ZNF805: variants seen among roughly 807,000 people sequenced by gnomAD.
ZNF805 encodes zinc finger protein 805, also known as CTC-444N24.8.
A neutral mutation model predicts 13.6 loss-of-function variants in ZNF805; 7 were observed. That is an observed-to-expected ratio of 0.51 (90% CI 0.29 to 0.97). The LOEUF (loss-of-function observed/expected upper bound fraction) is 0.97. Ranked by LOEUF, ZNF805 falls within the 50% of genes least tolerant of loss-of-function variation. ZNF805 has a pLI of 0.08. For missense variants in ZNF805, 604 were observed against 771.0 expected, an observed-to-expected ratio of 0.78 and a Z score of 2.57; for synonymous variants, 293 against 279.8, an observed-to-expected ratio of 1.05 and a Z score of -0.47.
Position 57,259,989 on chromosome 19 carries a change from T to TA in ZNF805, c.*5289dup, listed in dbSNP as rs1307948599. 6.6e-6 allele frequency among the ~76,000 whole-genome samples: 1 copy of TA among 152,244 alleles called. No individual in the cohort carries two copies. Among genetic ancestry groups the TA allele is most frequent in the African/African-American group, 2.4e-5 (1 of 41,470 alleles). ...CTGTAATCTTTTATATTGGGCTTCT[T>TA]AAATATTTCTGTCAACAGATCTTAT... On this transcript the variant is annotated 3_prime_UTR_variant, in exon 4 of 4. Transcript: ENST00000414468.
chr19:57,240,751 G>C lies in ZNF805; in HGVS notation c.-141G>C. 1.3e-6 allele frequency: 1 copy of C among 744,168 alleles called. No homozygotes were observed. The highest frequency in any genetic ancestry group is 2.1e-6 in the Non-Finnish European group (1 of 474,628). The allele number at this position is 744,168 out of a possible 1,614,324, so 46.1% of individuals were successfully genotyped here. A position where few individuals can be genotyped will look rare whatever the true frequency, so the allele number is the denominator to read the frequency against. The stretch of plus-strand genomic sequence containing the variant: ...ACCTCCGCGTCTCGGAGCGAACCGT[G>C]AGCCTCCCCGTAACGAGAGAGTTTG... On this transcript the variant is annotated 5_prime_UTR_variant, in exon 1 of 4. Transcript: ENST00000414468.
intron 1 of ZNF805, among the ~76,000 whole-genome samples, chr19:57,242,058 G>T (rs977512764): frequency 6.6e-6 from 1 of 152,164 alleles, no homozygotes; most frequent in Admixed American, 6.6e-5. Context: ...TGAGAAATGG[G>T]CATTATTTAT....
At chr19:57,250,204 C>T (rs1173812935) in intron 3 of ZNF805, among the ~76,000 whole-genome samples, 1 of 152,118 alleles carries the variant, frequency 6.6e-6, no homozygotes, top group African/African-American at 2.4e-5. Flanking sequence ...TGAATTCATC[C>T]CTCTATCACC....
intron 2 of ZNF805, 68 bp downstream of exon 2, chr19:57,244,117 C>A: frequency 6.4e-7 from 1 of 1,559,042 alleles, no homozygotes; most frequent in South Asian, 1.2e-5. Context: ...TGACTCCAGG[C>A]CTGATGGGTC....
At chr19:57,246,008 G>C (rs934578085) in intron 2 of ZNF805, among the ~76,000 whole-genome samples, 3 of 152,184 alleles carry the variant, frequency 2.0e-5, no homozygotes, top group African/African-American at 7.2e-5. Flanking sequence ...TGAGGAAGTT[G>C]TTCTTTTATT....
chr19:57,245,745 C>G (rs900777873), intron 2 of ZNF805, among the ~76,000 whole-genome samples: 4 of 151,572 alleles, frequency 2.6e-5, no homozygotes, highest in Non-Finnish European at 2.9e-5. Flanking sequence ...CACCACTGCA[C>G]TCCAGCCTGG....
At position 57,260,023 on chromosome 19, in the gene ZNF805, G is replaced by A. The variant is rs1011346111; in HGVS notation, c.*5320G>A. Among the ~76,000 whole-genome samples the A allele has an allele frequency of 2.0e-5, 3 of 152,302 alleles. No individual in the cohort carries two copies. The highest frequency in any genetic ancestry group is 4.8e-5 in the African/African-American group (2 of 41,554). On this transcript the variant is annotated 3_prime_UTR_variant, in exon 4 of 4. Transcript: ENST00000414468. Reference sequence around the variant, plus strand: ...CTGTCAACAGATCTTATATCAGGGTGATCTGCATATCATTCAGAGTTACGT... The same window carrying A: ...CTGTCAACAGATCTTATATCAGGGTAATCTGCATATCATTCAGAGTTACGT...
chr19:57,241,675 G>C lies in ZNF805; in HGVS notation c.30+754G>C, dbSNP rs142876190. On this transcript the variant is annotated intron_variant, in intron 1 of 3. Transcript: ENST00000414468. ...ACTATGGCTGACCACCTCTGTCCTT[G>C]TTTCCTTCCTTTCCTCCCTGGCTCA... Among the ~76,000 whole-genome samples the C allele has an allele frequency of 9.3e-3, 870 of 93,890 alleles. 6 individuals carry two copies. Among genetic ancestry groups the C allele is most frequent in the African/African-American group, 0.029 (839 of 29,170 alleles). 61.6% of individuals were successfully genotyped at this position (93,890 alleles called of 152,430 possible).
At chr19:57,245,654 C>T (rs1162805727) in intron 2 of ZNF805, among the ~76,000 whole-genome samples, 3 of 150,922 alleles carry the variant, frequency 2.0e-5, no homozygotes, top group South Asian at 2.1e-4. Context: ...TGGCGGGTGC[C>T]TGTAGTCCCA....
intron 1 of ZNF805, among the ~76,000 whole-genome samples, chr19:57,242,413 C>T (rs566390788): frequency 4.8e-4 from 73 of 152,360 alleles, no homozygotes; most frequent in African/African-American, 1.6e-3. Flanking sequence ...TTCCCCCCAT[C>T]CCCACCTGCT....
Position 57,261,431 on chromosome 19 carries a change from TACTC to T in ZNF805, c.*6730_*6733del, listed in dbSNP as rs2087723434. On this transcript the variant is annotated 3_prime_UTR_variant, in exon 4 of 4. Transcript: ENST00000414468. ...TGTATCCCCCTAATTTCTGTCATGT[TACTC>T]AAACCAGACACATTGTGGCCATTTC... 6.0e-6 allele frequency: 1 copy of T among 167,086 alleles called. No individual in the cohort carries two copies. The highest frequency in any genetic ancestry group is 1.5e-5 in the Non-Finnish European group (1 of 68,112). The allele number at this position is 167,086 out of a possible 1,614,324, so 10.4% of individuals were successfully genotyped here.
intron 3 of ZNF805, among the ~76,000 whole-genome samples, chr19:57,249,321 A>G (rs540996698): frequency 6.6e-5 from 10 of 152,336 alleles, no homozygotes; most frequent in South Asian, 4.1e-4. Context: ...CTGCCTGTCC[A>G]AGGAGAAGAG....
rs930524529 is a variant in ZNF805 at position 57,254,822 on chromosome 19, C to T, written c.*119C>T. The T allele has an allele frequency of 1.2e-5, 13 of 1,061,202 alleles. No individual in the cohort carries two copies. Among genetic ancestry groups the T allele is most frequent in the Admixed American group, 5.8e-5 (2 of 34,534 alleles). 65.7% of individuals were successfully genotyped at this position (1,061,202 alleles called of 1,614,324 possible). ...CTGGAAAAACACCCAGTGGTTATTA[C>T]GCACTTGGGAAAACCTTTAGCTCCA... On this transcript the variant is annotated 3_prime_UTR_variant, in exon 4 of 4. Coordinates refer to ENST00000414468, the MANE Select transcript of ZNF805 (RefSeq NM_001023563.4).
chr19:57,244,355 T>A (rs2087598708), intron 2 of ZNF805, among the ~76,000 whole-genome samples: 1 of 151,778 alleles, frequency 6.6e-6, no homozygotes, highest in South Asian at 2.1e-4. Flanking sequence ...GGATTACAGG[T>A]GCCCACCACC....
In ZNF805 at chr19:57,261,995, C is replaced by CA. The variant is rs1257949329; in HGVS notation, c.*7293dup. 6.0e-6 allele frequency: 1 copy of CA among 165,844 alleles called. No individual in the cohort carries two copies. The highest frequency in any genetic ancestry group is 1.5e-5 in the Non-Finnish European group (1 of 68,110). 10.3% of individuals were successfully genotyped at this position (165,844 alleles called of 1,614,324 possible). A position where few individuals can be genotyped will look rare whatever the true frequency, so the allele number is the denominator to read the frequency against. ...GAAGTCGTCTTGAGCACCCATTGCT[C>CA]AGAGTTTATATTGGACTTGCTTTCT... On this transcript the variant is annotated 3_prime_UTR_variant, in exon 4 of 4. Transcript: ENST00000414468.
At chr19:57,243,792 T>G (rs2087594153) in intron 1 of ZNF805, 131 bp from the exon 2 acceptor site, 1 of 1,300,532 alleles carries the variant, frequency 7.7e-7, no homozygotes, top group South Asian at 1.3e-5. Flanking sequence ...GCCTTCCTCC[T>G]TCAGCCTGGT....
At chr19:57,244,104 C>A (rs1568487497) in intron 2 of ZNF805, 55 bp downstream of exon 2, 2 of 1,583,584 alleles carry the variant, frequency 1.3e-6, no homozygotes, top group East Asian at 2.2e-5. Flanking sequence ...TCGTTCCACC[C>A]TCTGACTCCA....
intron 2 of ZNF805, among the ~76,000 whole-genome samples, chr19:57,245,932 A>C (rs1047724836): frequency 6.6e-6 from 1 of 152,206 alleles, no homozygotes; most frequent in African/African-American, 2.4e-5. Context: ...AATTGTGCTA[A>C]GGCGAGAAGC....
Position 57,254,692 on chromosome 19 carries a change from T to C in ZNF805, c.1873T>C (p.Ser625Pro). 2 of 1,605,200 alleles carry C rather than the reference T, an allele frequency of 1.2e-6. No homozygotes were observed. The highest frequency in any genetic ancestry group is 1.1e-5 in the South Asian group (1 of 89,780). ...ATACCAAAGAGAAACCCCACAAGTGTCTTCACTGTGAGAAAACCTTCTGTT... is the reference window on the plus strand; with the variant it reads ...ATACCAAAGAGAAACCCCACAAGTGCCTTCACTGTGAGAAAACCTTCTGTT... ...RTYQRETPQVSSL is the reference protein window; with the variant it reads ...RTYQRETPQVPSL The change falls in exon 4 of 4, where the codon TCT becomes CCT. Residue 625 changes from serine (S) to proline (P), a missense_variant. Physicochemically the swap from Ser to Pro is moderately conservative, Grantham distance 74. Transcript: ENST00000414468.
Sources: allele counts gnomAD v4.1 joint callset (sites outside exome capture counted in the v4.1 genomes callset), GRCh38; gene constraint gnomAD v4.1.1; transcripts MANE v1.5; gene names NCBI Gene and HGNC (gene_info 2026-07-23, HGNC 2026-07-21).